TRPM3: variants seen among roughly 807,000 people sequenced by gnomAD.
TRPM3 encodes the protein transient receptor potential cation channel subfamily M member 3, also known as long transient receptor potential channel 3.
Under a neutral mutation model 181.2 loss-of-function variants are expected in TRPM3, and 77 were observed. That is an observed-to-expected ratio of 0.42 (90% CI 0.35 to 0.51). The LOEUF (loss-of-function observed/expected upper bound fraction) is 0.51. TRPM3 is among the 20% of genes least tolerant of loss of function. The pLI, the probability that TRPM3 is intolerant of heterozygous loss-of-function variation, is 0.01. For synonymous variants in TRPM3, 745 were observed against 796.4 expected (o/e 0.94, Z 1.09); for missense variants, 1,759 against 2,196.7 (o/e 0.80, Z 3.98).
At chr9:71,177,460 C>A (rs939397076) in intron 1 of TRPM3, among the ~76,000 whole-genome samples, 4 of 152,078 alleles carry the variant, frequency 2.6e-5, no homozygotes, top group African/African-American at 9.7e-5. Flanking sequence ...TAGGCTATAC[C>A]ATCCAGGTTT....
chr9:71,408,916 C>A (rs1454929303), intron 1 of TRPM3, among the ~76,000 whole-genome samples: 2 of 152,176 alleles, frequency 1.3e-5, no homozygotes, highest in Non-Finnish European at 2.9e-5. Flanking sequence ...TCAGCAGAAA[C>A]TCTACAAGCC....
intron 1 of TRPM3, among the ~76,000 whole-genome samples, chr9:71,410,063 G>A (rs186875091): frequency 6.6e-6 from 1 of 152,246 alleles, no homozygotes; most frequent in East Asian, 1.9e-4. Context: ...AAACCAATGA[G>A]AACAAAGACA....
chr9:71,083,448 A>C (rs1254921707), intron 1 of TRPM3, among the ~76,000 whole-genome samples: 1 of 152,020 alleles, frequency 6.6e-6, no homozygotes, highest in Non-Finnish European at 1.5e-5. Context: ...CCGATCCTTC[A>C]TCCTGCCTCT....
chr9:71,382,662 C>A (rs2092829099), intron 1 of TRPM3, among the ~76,000 whole-genome samples: 1 of 150,178 alleles, frequency 6.7e-6, no homozygotes, highest in African/African-American at 2.4e-5. Context: ...AAGCGAAGAG[C>A]AATATAACTT....
intron 22 of TRPM3, among the ~76,000 whole-genome samples, chr9:70,578,261 C>T (rs2054585180): frequency 6.9e-6 from 1 of 145,426 alleles, no homozygotes; most frequent in East Asian, 2.0e-4. Context: ...TCACTCAGAC[C>T]ACTTTCTTTG....
At chr9:71,354,309 G>T (rs1056592510) in intron 1 of TRPM3, among the ~76,000 whole-genome samples, 1 of 152,092 alleles carries the variant, frequency 6.6e-6, no homozygotes, top group African/African-American at 2.4e-5. Flanking sequence ...GTTGTCAGAT[G>T]CCACCTTATC....
At chr9:71,371,865 G>C (rs111451543) in intron 1 of TRPM3, among the ~76,000 whole-genome samples, 3 of 152,050 alleles carry the variant, frequency 2.0e-5, no homozygotes, top group African/African-American at 7.2e-5. Flanking sequence ...TAAGTTCTGG[G>C]GTACATGTGC....
chr9:71,100,425 A>G (rs551172466), intron 1 of TRPM3, among the ~76,000 whole-genome samples: 5 of 152,168 alleles, frequency 3.3e-5, no homozygotes, highest in African/African-American at 9.6e-5. Flanking sequence ...GGAGGCAGAA[A>G]CTCTAATTTT....
chr9:70,981,693 T>A (rs2097365093), intron 1 of TRPM3, among the ~76,000 whole-genome samples: 1 of 152,178 alleles, frequency 6.6e-6, no homozygotes. Context: ...AGGCAAACAT[T>A]TGGCAGAGTC....
At chr9:71,075,986 TG>T (rs1565138669) in intron 1 of TRPM3, among the ~76,000 whole-genome samples, 2 of 152,320 alleles carry the variant, frequency 1.3e-5, no homozygotes, top group South Asian at 2.1e-4. Flanking sequence ...TTGATTTTTT[TG>T]TTGTTGTAGT....
intron 1 of TRPM3, among the ~76,000 whole-genome samples, chr9:71,218,420 G>A (rs10868986): frequency 0.4 from 61,001 of 151,628 alleles, 13,036 homozygotes; most frequent in East Asian, 0.52. Context: ...ATTAAAGCAT[G>A]GTATGATTAA....
chr9:71,250,554 C>G (rs1289598365), intron 1 of TRPM3, among the ~76,000 whole-genome samples: 1 of 152,110 alleles, frequency 6.6e-6, no homozygotes, highest in African/African-American at 2.4e-5. Context: ...AATCTATGTA[C>G]TGAGTATATA....
chr9:70,831,981 A>ATATATATAGATATATATT (rs2093948639), intron 5 of TRPM3, among the ~76,000 whole-genome samples: 1 of 119,396 alleles, frequency 8.4e-6, no homozygotes. Flanking sequence ...ATATATATAT[A>ATATATATAGATATATATT]TATATATATA....
intron 1 of TRPM3, among the ~76,000 whole-genome samples, chr9:71,439,756 G>T (rs1034138646): frequency 6.6e-6 from 1 of 152,106 alleles, no homozygotes; most frequent in Non-Finnish European, 1.5e-5. Context: ...TGATTATGTG[G>T]ATTATTTTTG....
intron 1 of TRPM3, among the ~76,000 whole-genome samples, chr9:70,998,158 TATATACATATATACAC>T (rs2097560682): frequency 1.4e-5 from 2 of 143,430 alleles, no homozygotes; most frequent in Non-Finnish European, 3.1e-5. Context: ...TATATATACA[TATATACATATATACAC>T]ATATATATAC....
rs557470062 is a variant in TRPM3, at chr9:71,159,398, A to T, written c.183+287255T>A. Among the ~76,000 whole-genome samples, 12 of 152,224 alleles carry T rather than the reference A, an allele frequency of 7.9e-5. No homozygotes were observed. The South Asian group carries it at 2.1e-3, about 26-fold the overall frequency. On this transcript the variant is annotated intron_variant, in intron 1 of 24. Coordinates refer to the TRPM3 transcript ENST00000357533. The stretch of plus-strand genomic sequence containing the variant: ...TATAGATAGAATCATGTGGAAAAAT[A>T]AGGCTCGGCTACTCCATCTGTGTTA...
At chr9:70,633,606 T>A (rs2066308712) in intron 12 of TRPM3, among the ~76,000 whole-genome samples, 2 of 152,204 alleles carry the variant, frequency 1.3e-5, no homozygotes, top group South Asian at 4.1e-4. Flanking sequence ...GAGATTTTGA[T>A]TTTCTGTGTG....
At chr9:70,898,432 T>G (rs72729784) in intron 1 of TRPM3, among the ~76,000 whole-genome samples, 21,536 of 150,182 alleles carry the variant, frequency 0.14, 2,040 homozygotes, top group East Asian at 0.35. Context: ...ACAATAAATT[T>G]AAAAGTAAAT....
chr9:70,745,664 C>G (rs1467452677), intron 8 of TRPM3, among the ~76,000 whole-genome samples: 1 of 152,120 alleles, frequency 6.6e-6, no homozygotes, highest in Non-Finnish European at 1.5e-5. Flanking sequence ...AAGTCCCTTC[C>G]CATCTATAAA....
Sources: gnomAD v4.1 joint callset for allele counts (sites outside exome capture counted in the v4.1 genomes callset) on GRCh38, gnomAD v4.1.1 for gene constraint, MANE v1.5 for transcripts, NCBI Gene and HGNC (gene_info 2026-07-23, HGNC 2026-07-21) for gene names.